The following ANKS1B variants were observed in gnomAD, a reference collection of about 807,000 sequenced individuals.
ANKS1B encodes ankyrin repeat and sterile alpha motif domain containing 1B, also known as ankyrin repeat and sterile alpha motif domain-containing protein 1B.
ANKS1B carries 36 observed loss-of-function variants against 148.3 expected under a neutral mutation model. The observed-to-expected ratio is 0.24, with a 90% CI of 0.19 to 0.32. The LOEUF (loss-of-function observed/expected upper bound fraction) is 0.32, where lower values mean the gene tolerates loss of function less well. ANKS1B is among the 10% of genes least tolerant of loss of function. ANKS1B has a pLI of 1.00. For synonymous variants in ANKS1B, 542 were observed against 560.8 expected (o/e 0.97, Z 0.47); for missense variants, 1,157 against 1,542.6 (o/e 0.75, Z 4.19).
At chr12:99,301,619 T>C (rs2081625203) in intron 12 of ANKS1B, among the ~76,000 whole-genome samples, 1 of 152,168 alleles carries the variant, frequency 6.6e-6, no homozygotes, top group African/African-American at 2.4e-5. Context: ...CACTGGTTCA[T>C]TCAAAAACAT....
In ANKS1B at chr12:99,399,724, C is replaced by G. The variant is rs369144939; in HGVS notation, c.1663G>C (p.Gly555Arg). The change falls in exon 12 of 27, where the codon GGG (glycine) becomes CGG (arginine). Residue 555 changes from glycine (G) to arginine (R), a missense_variant. Coordinates refer to ENST00000683438, the MANE Select transcript of ANKS1B (RefSeq NM_001352186.2). The stretch of plus-strand genomic sequence containing the variant: ...GGACTGGCAGTAAAGCTTGTGCACC[C>G]TGTAGATGTGTTGATTTCAAAATAT... ...QEYFEINTST[G>R]CTSFTASPPA... 1 of 1,613,384 alleles carries G rather than the reference C, an allele frequency of 6.2e-7. No individual in the cohort carries two copies. Among genetic ancestry groups the G allele is most frequent in the African/African-American group, 1.3e-5 (1 of 74,882 alleles).
chr12:98,932,912 T>C (rs1380286036), intron 17 of ANKS1B, among the ~76,000 whole-genome samples: 6 of 152,230 alleles, frequency 3.9e-5, no homozygotes, highest in Admixed American at 3.9e-4. Flanking sequence ...AAGTTAGTTT[T>C]TATTTAAAAA....
At chr12:99,881,275 T>C (rs1321002335) in intron 1 of ANKS1B, among the ~76,000 whole-genome samples, 1 of 152,194 alleles carries the variant, frequency 6.6e-6, no homozygotes, top group African/African-American at 2.4e-5. Context: ...ATCATCATTA[T>C]TACTTATGTT....
At chr12:99,609,131 C>A (rs565447936) in intron 9 of ANKS1B, among the ~76,000 whole-genome samples, 1 of 152,070 alleles carries the variant, frequency 6.6e-6, no homozygotes, top group East Asian at 1.9e-4. Flanking sequence ...CTGTGAAGTT[C>A]CCATGGGAGA....
At chr12:99,084,868 G>T in intron 16 of ANKS1B, 57 bp downstream of exon 16, 1 of 1,367,096 alleles carries the variant, frequency 7.3e-7, no homozygotes, top group Non-Finnish European at 1.0e-6. Context: ...TTGCATGCCT[G>T]GACTCAAAAT....
chr12:99,808,973 T>C (rs941521374), intron 3 of ANKS1B, among the ~76,000 whole-genome samples: 7 of 152,108 alleles, frequency 4.6e-5, no homozygotes, highest in African/African-American at 1.7e-4. Context: ...ATTTTATCCA[T>C]GATCATCACA....
Position 98,870,591 on chromosome 12 carries a change from C to G in ANKS1B, c.2779-38455G>C, listed in dbSNP as rs576874389. 6.6e-5 allele frequency among the ~76,000 whole-genome samples: 10 copies of G among 152,374 alleles called. No homozygotes were observed. In the East Asian group the frequency reaches 1.9e-3, roughly 29 times the overall value. On this transcript the variant is annotated intron_variant, in intron 17 of 26. Coordinates refer to ENST00000683438, the MANE Select transcript of ANKS1B (RefSeq NM_001352186.2). ...GATGATGAGGAAAGCAGCTGAGCCC[C>G]TGCTATTCCACCTCATCCACTCCAT...
At chr12:99,059,206 G>C (rs900659808) in intron 16 of ANKS1B, among the ~76,000 whole-genome samples, 1 of 152,166 alleles carries the variant, frequency 6.6e-6, no homozygotes, top group Non-Finnish European at 1.5e-5. Flanking sequence ...TAATAGAGAA[G>C]TGAGTATCTG....
At chr12:99,553,586 A>G (rs1180076890) in intron 9 of ANKS1B, among the ~76,000 whole-genome samples, 2 of 152,206 alleles carry the variant, frequency 1.3e-5, no homozygotes, top group African/African-American at 4.8e-5. Context: ...GCAGTCATAG[A>G]CAATATATAA....
At position 99,581,954 on chromosome 12, in the gene ANKS1B, TA is replaced by T. The variant is rs552967783; in HGVS notation, c.1272+73112del. Among the ~76,000 whole-genome samples, 84 of 151,232 alleles carry T rather than the reference TA, an allele frequency of 5.6e-4. 1 individual carries two copies. In the South Asian group the frequency reaches 0.017, roughly 31 times the overall value. ...GAAAAGTCAAGCCATAAACTTGGAT[TA>T]AACATACATCTGATAAAACACTTGT... On this transcript the variant is annotated intron_variant, in intron 9 of 26. Coordinates refer to ENST00000683438, the MANE Select transcript of ANKS1B (RefSeq NM_001352186.2).
At chr12:99,590,383 T>C (rs950707055) in intron 9 of ANKS1B, among the ~76,000 whole-genome samples, 2 of 152,182 alleles carry the variant, frequency 1.3e-5, no homozygotes, top group Non-Finnish European at 2.9e-5. Context: ...ATTTAACAAG[T>C]AATTACAACA....
chr12:99,778,903 A>G (rs1258382939), intron 6 of ANKS1B, among the ~76,000 whole-genome samples: 1 of 152,160 alleles, frequency 6.6e-6, no homozygotes, highest in Admixed American at 6.5e-5. Context: ...CTGCAAAACA[A>G]TGCTGTTCTT....
At chr12:99,671,140 C>A (rs192057589) in intron 8 of ANKS1B, among the ~76,000 whole-genome samples, 1 of 152,116 alleles carries the variant, frequency 6.6e-6, no homozygotes, top group Non-Finnish European at 1.5e-5. Flanking sequence ...TGAAGTATAT[C>A]TTATCTCTGT....
intron 12 of ANKS1B, among the ~76,000 whole-genome samples, chr12:99,279,793 C>T (rs1486173910): frequency 6.6e-6 from 1 of 151,970 alleles, no homozygotes; most frequent in Admixed American, 6.6e-5. Flanking sequence ...GTGGGTGGAT[C>T]ACTTGAACCC....
intron 12 of ANKS1B, among the ~76,000 whole-genome samples, chr12:99,390,149 A>G (rs2094008640): frequency 6.6e-6 from 1 of 152,226 alleles, no homozygotes; most frequent in African/African-American, 2.4e-5. Flanking sequence ...ACCCACATGT[A>G]TTAAGCATTT....
At chr12:99,578,268 A>C (rs1410755262) in intron 9 of ANKS1B, among the ~76,000 whole-genome samples, 1 of 152,178 alleles carries the variant, frequency 6.6e-6, no homozygotes, top group Non-Finnish European at 1.5e-5. Flanking sequence ...ATCATGTCAA[A>C]TGGGCAAAAG....
chr12:99,674,676 C>A (rs551001178), intron 8 of ANKS1B, among the ~76,000 whole-genome samples: 3 of 151,430 alleles, frequency 2.0e-5, no homozygotes, highest in African/African-American at 4.8e-5. Flanking sequence ...ACAAAACATG[C>A]GAATTGAAGT....
chr12:99,730,765 G>C (rs566492235), intron 8 of ANKS1B, among the ~76,000 whole-genome samples: 5 of 152,274 alleles, frequency 3.3e-5, no homozygotes, highest in African/African-American at 9.6e-5. Context: ...GGATAGGAGG[G>C]AAAGGGTCTC....
At chr12:99,315,884 T>C (rs1406560775) in intron 12 of ANKS1B, among the ~76,000 whole-genome samples, 1 of 151,980 alleles carries the variant, frequency 6.6e-6, no homozygotes, top group Non-Finnish European at 1.5e-5. Context: ...AGTGTTCTCA[T>C]TGTTCAACTC....
Sources: allele counts gnomAD v4.1 joint callset (sites outside exome capture counted in the v4.1 genomes callset), GRCh38; gene constraint gnomAD v4.1.1; transcripts MANE v1.5; gene names NCBI Gene and HGNC (gene_info 2026-07-23, HGNC 2026-07-21).